The following KCNH8 variants were observed in gnomAD, a reference collection of about 807,000 sequenced individuals.
KCNH8 encodes the protein voltage-gated delayed rectifier potassium channel KCNH8.
A neutral mutation model predicts 103.6 loss-of-function variants in KCNH8; 70 were observed. That is an observed-to-expected ratio of 0.68 (90% CI 0.56 to 0.82). KCNH8 has a LOEUF of 0.82. Ranked by LOEUF, KCNH8 falls within the 40% of genes least tolerant of loss-of-function variation. The pLI, the probability that KCNH8 is intolerant of heterozygous loss-of-function variation, is 0.00. For synonymous variants in KCNH8, 498 were observed against 489.4 expected, an observed-to-expected ratio of 1.02 and a Z score of -0.23; for missense variants, 1,217 against 1,329.9, an observed-to-expected ratio of 0.92 and a Z score of 1.32.
intron 7 of KCNH8, among the ~76,000 whole-genome samples, chr3:19,431,373 G>C (rs2067119216): frequency 6.6e-6 from 1 of 152,184 alleles, no homozygotes; most frequent in Non-Finnish European, 1.5e-5. Flanking sequence ...ATGTGCTGCT[G>C]GATGCAGTCT....
chr3:19,231,117 A>G (rs752187643), intron 1 of KCNH8, among the ~76,000 whole-genome samples: 24 of 152,214 alleles, frequency 1.6e-4, no homozygotes, highest in Admixed American at 3.9e-4. Flanking sequence ...TTAAAAATGT[A>G]TATCTGCTAT....
intron 11 of KCNH8, among the ~76,000 whole-genome samples, chr3:19,457,337 T>C (rs1022127117): frequency 6.6e-6 from 1 of 152,002 alleles, no homozygotes; most frequent in Admixed American, 6.6e-5. Flanking sequence ...TTCAGTTTGC[T>C]GTGTTTGTAA....
At chr3:19,202,042 A>G (rs111306461) in intron 1 of KCNH8, among the ~76,000 whole-genome samples, 2 of 152,188 alleles carry the variant, frequency 1.3e-5, no homozygotes, top group Non-Finnish European at 2.9e-5. Flanking sequence ...ATAAAATCCA[A>G]CAGTATCACT....
intron 1 of KCNH8, among the ~76,000 whole-genome samples, chr3:19,198,384 C>T (rs934495099): frequency 6.6e-6 from 1 of 151,834 alleles, no homozygotes. Context: ...GCAAACAAGG[C>T]GGAACCAACA....
intron 7 of KCNH8, among the ~76,000 whole-genome samples, chr3:19,397,247 C>A (rs1346453971): frequency 1.3e-5 from 2 of 151,820 alleles, no homozygotes; most frequent in African/African-American, 4.8e-5. Context: ...ACCAATCTCG[C>A]AGAGAGAGCA....
intron 8 of KCNH8, among the ~76,000 whole-genome samples, chr3:19,444,030 G>C (rs2067324945): frequency 6.6e-6 from 1 of 151,990 alleles, no homozygotes; most frequent in Admixed American, 6.6e-5. Flanking sequence ...GGGTGTGTTT[G>C]AAAATTGACA....
chr3:19,498,469 T>C (rs916184186), intron 11 of KCNH8, among the ~76,000 whole-genome samples: 1 of 152,172 alleles, frequency 6.6e-6, no homozygotes, highest in Non-Finnish European at 1.5e-5. Flanking sequence ...CGCTGACTTG[T>C]CTCAAAAGGA....
intron 11 of KCNH8, among the ~76,000 whole-genome samples, chr3:19,463,397 C>G (rs2067673688): frequency 1.3e-5 from 2 of 152,040 alleles, no homozygotes; most frequent in Non-Finnish European, 2.9e-5. Flanking sequence ...TCCATAATGT[C>G]TAAACCCATA....
At chr3:19,509,486 C>T (rs1034022889) in intron 11 of KCNH8, among the ~76,000 whole-genome samples, 1 of 152,116 alleles carries the variant, frequency 6.6e-6, no homozygotes, top group African/African-American at 2.4e-5. Context: ...AAGCATGTTT[C>T]CAGGACATGT....
At position 19,176,583 on chromosome 3, in the gene KCNH8, T is replaced by C. The variant is rs994457978; in HGVS notation, c.76+27788T>C. Among the ~76,000 whole-genome samples, 44 of 152,180 alleles carry C rather than the reference T, an allele frequency of 2.9e-4. 1 individual carries two copies. The highest frequency in any genetic ancestry group is 1.1e-3 in the African/African-American group (44 of 41,460). ...CAGAGAAGTTAATAGAAATATTTTC[T>C]TCCTTTAACTGAGAATATATACTCA... On this transcript the variant is annotated intron_variant, in intron 1 of 15. Coordinates refer to ENST00000328405, the MANE Select transcript of KCNH8 (RefSeq NM_144633.3).
intron 5 of KCNH8, among the ~76,000 whole-genome samples, chr3:19,387,549 G>A (rs181499273): frequency 1.3e-5 from 2 of 152,136 alleles, no homozygotes; most frequent in East Asian, 1.9e-4. Flanking sequence ...TTATAAGTAC[G>A]ACAAAAGTAG....
rs1272981829 is a variant in KCNH8, at chr3:19,253,727, C to T, written c.150C>T (p.Cys50=). ...TAGTCTACTGTTCCGATGGCTTCTG[C>T]GAGCTTGCTGGATTTGCCCGAACTG... ...FPIVYCSDGF[C]ELAGFARTEV... is the part of the protein sequence containing the mutation. Residue 50 remains cysteine (C), a synonymous_variant, in exon 2 of 16, where the codon TGC becomes TGT. Transcript: ENST00000328405. The T allele has an allele frequency of 1.2e-5, 19 of 1,613,738 alleles. No individual in the cohort carries two copies. Among genetic ancestry groups the T allele is most frequent in the Non-Finnish European group, 1.4e-5 (17 of 1,179,902 alleles).
At chr3:19,375,917 C>G (rs1301715054) in intron 5 of KCNH8, among the ~76,000 whole-genome samples, 1 of 152,106 alleles carries the variant, frequency 6.6e-6, no homozygotes, top group Non-Finnish European at 1.5e-5. Flanking sequence ...TTAGGCTGCT[C>G]GGGGGTCAGG....
chr3:19,149,438 A>G (rs2063107248), intron 1 of KCNH8, among the ~76,000 whole-genome samples: 1 of 151,686 alleles, frequency 6.6e-6, no homozygotes, highest in African/African-American at 2.4e-5. Flanking sequence ...TGATGATAAG[A>G]GAAAGTTTTT....
chr3:19,197,232 A>G lies in KCNH8; in HGVS notation c.76+48437A>G, dbSNP rs556797928. On this transcript the variant is annotated intron_variant, in intron 1 of 15. Transcript: ENST00000328405. ...GACTCCAGAATTTAATCCACCCCCA[A>G]CAATTTTGCCCTCTATACCCTCCAA... Among the ~76,000 whole-genome samples, 7 of 152,168 alleles carry G rather than the reference A, an allele frequency of 4.6e-5. No homozygotes were observed. In the East Asian group the frequency reaches 7.7e-4, roughly 17 times the overall value.
chr3:19,402,678 T>C (rs760851487), intron 7 of KCNH8, among the ~76,000 whole-genome samples: 1 of 151,906 alleles, frequency 6.6e-6, no homozygotes, highest in Non-Finnish European at 1.5e-5. Flanking sequence ...AGCATGGATG[T>C]AGAGAGGACA....
chr3:19,499,052 G>A (rs893955486), intron 11 of KCNH8, among the ~76,000 whole-genome samples: 2 of 152,302 alleles, frequency 1.3e-5, no homozygotes, highest in Non-Finnish European at 2.9e-5. Context: ...AAAAAATTTA[G>A]AAGAATGTAT....
chr3:19,474,306 G>A (rs1019202809), intron 11 of KCNH8, among the ~76,000 whole-genome samples: 1 of 152,102 alleles, frequency 6.6e-6, no homozygotes, highest in Non-Finnish European at 1.5e-5. Context: ...ATATGGTGGA[G>A]GCAGTCTGCT....
intron 3 of KCNH8, among the ~76,000 whole-genome samples, chr3:19,297,559 A>T (rs2065012378): frequency 6.6e-6 from 1 of 152,172 alleles, no homozygotes; most frequent in Non-Finnish European, 1.5e-5. Context: ...ATATATTCCT[A>T]TTAGTGTTCT....
Sources: gnomAD v4.1 joint callset for allele counts (sites outside exome capture counted in the v4.1 genomes callset) on GRCh38, gnomAD v4.1.1 for gene constraint, MANE v1.5 for transcripts, NCBI Gene and HGNC (gene_info 2026-07-23, HGNC 2026-07-21) for gene names.